ITPR1: variants seen among roughly 807,000 people sequenced by gnomAD.
ITPR1 encodes inositol 1,4,5-trisphosphate-gated calcium channel ITPR1.
In ITPR1, 96 loss-of-function variants were observed where a neutral mutation model predicts 318.4. That is an observed-to-expected ratio of 0.30 (90% CI 0.26 to 0.36). ITPR1 has a LOEUF of 0.36. Ranked by LOEUF, ITPR1 falls within the 10% of genes least tolerant of loss-of-function variation. The pLI, the probability that ITPR1 is intolerant of heterozygous loss-of-function variation, is 1.00. For synonymous variants in ITPR1, 1,312 were observed against 1,289.9 expected (o/e 1.02, Z -0.37); for missense variants, 2,440 against 3,460.2 (o/e 0.71, Z 7.40).
intron 47 of ITPR1, among the ~76,000 whole-genome samples, chr3:4,776,186 C>T (rs1456799170): frequency 5.9e-5 from 9 of 152,232 alleles, no homozygotes; most frequent in Non-Finnish European, 1.0e-4. Flanking sequence ...TCTTCTGCCT[C>T]AGCCTCCCTA....
chr3:4,550,511 A>T (rs1157095475), intron 4 of ITPR1, among the ~76,000 whole-genome samples: 3 of 152,140 alleles, frequency 2.0e-5, no homozygotes, highest in Non-Finnish European at 4.4e-5. Context: ...ATATCCCTAA[A>T]CTGTTACATG....
chr3:4,821,078 C>G (rs1451643922), intron 60 of ITPR1, among the ~76,000 whole-genome samples: 1 of 152,216 alleles, frequency 6.6e-6, no homozygotes, highest in Non-Finnish European at 1.5e-5. Context: ...CAGGTGATCT[C>G]TTGAATGAGC....
intron 20 of ITPR1, among the ~76,000 whole-genome samples, chr3:4,671,337 T>C (rs558926493): frequency 1.3e-5 from 2 of 152,348 alleles, no homozygotes; most frequent in East Asian, 3.9e-4. Context: ...TCACCAAATG[T>C]TTATAGACAG....
intron 4 of ITPR1, among the ~76,000 whole-genome samples, chr3:4,588,321 A>G (rs1415527364): frequency 6.7e-6 from 1 of 150,094 alleles, no homozygotes; most frequent in Non-Finnish European, 1.5e-5. Flanking sequence ...GAGTGTACTT[A>G]CGTATGTGCA....
rs766866092 is a variant in ITPR1, at chr3:4,706,140, C to T, written c.4658-27C>T. On this transcript the variant is annotated intron_variant, in intron 36 of 61. Transcript: ENST00000649015. ...GGGTGTCCCCCATAAAAGTTGTAGG[C>T]TCACGACTCATCTTTCTCCTGTGCA... 1.5e-5 allele frequency: 25 copies of T among 1,613,486 alleles called. No individual in the cohort carries two copies. In the South Asian group the frequency reaches 2.6e-4, roughly 17 times the overall value.
At position 4,775,331 on chromosome 3, in the gene ITPR1, T is replaced by A; in HGVS notation, c.6069T>A (p.Thr2023=). The change falls in exon 47 of 62, where the codon ACT becomes ACA. Residue 2023 remains threonine (T), a synonymous_variant. Coordinates refer to ENST00000649015, the MANE Select transcript of ITPR1 (RefSeq NM_001378452.1). The part of the protein sequence containing the change: ...QFLDCICGST[T]GGLGLLGLYI... ...TGGACTGTATTTGTGGAAGCACAAC[T>A]GGAGGCCTTGGTCTTCTGGGCTTGT... is the stretch of plus-strand genomic sequence containing the variant. The A allele has an allele frequency of 6.2e-7, 1 of 1,613,312 alleles. No homozygotes were observed. The highest frequency in any genetic ancestry group is 8.5e-7 in the Non-Finnish European group (1 of 1,179,206).
At chr3:4,650,361 G>C (rs2093565049) in intron 10 of ITPR1, among the ~76,000 whole-genome samples, 1 of 152,110 alleles carries the variant, frequency 6.6e-6, no homozygotes, top group African/African-American at 2.4e-5. Context: ...CAGCGTCCCA[G>C]TTCTCCATGT....
chr3:4,651,391 G>C (rs958705272), intron 10 of ITPR1, among the ~76,000 whole-genome samples: 4 of 152,124 alleles, frequency 2.6e-5, no homozygotes, highest in African/African-American at 9.7e-5. Flanking sequence ...AACTCCATGA[G>C]CTTCATGCCC....
At chr3:4,581,171 C>A (rs2089298093) in intron 4 of ITPR1, among the ~76,000 whole-genome samples, 1 of 152,216 alleles carries the variant, frequency 6.6e-6, no homozygotes, top group African/African-American at 2.4e-5. Context: ...CCCGACAGCC[C>A]AGCCACCTTG....
At chr3:4,548,254 A>G (rs890536138) in intron 4 of ITPR1, among the ~76,000 whole-genome samples, 26 of 152,132 alleles carry the variant, frequency 1.7e-4, no homozygotes, top group Non-Finnish European at 1.0e-4. Flanking sequence ...ATTCATCTTC[A>G]GTTTTTCACC....
intron 17 of ITPR1, among the ~76,000 whole-genome samples, chr3:4,665,794 C>T (rs2093933963): frequency 2.0e-5 from 3 of 152,066 alleles, no homozygotes; most frequent in African/African-American, 7.2e-5. Flanking sequence ...TATTTATATA[C>T]ACACACAATG....
At chr3:4,763,757 C>T (rs527461465) in intron 44 of ITPR1, among the ~76,000 whole-genome samples, 46 of 152,374 alleles carry the variant, frequency 3.0e-4, no homozygotes, top group Non-Finnish European at 5.1e-4. Flanking sequence ...CTGGCCCTGT[C>T]TCATCTCATA....
chr3:4,768,319 A>C (rs1201067971), intron 45 of ITPR1, 192 bp from the exon 46 acceptor site: 11 of 567,170 alleles, frequency 1.9e-5, no homozygotes, highest in Non-Finnish European at 3.3e-5. Context: ...TCCACAAGTA[A>C]GGTGGCAGGG....
intron 49 of ITPR1, among the ~76,000 whole-genome samples, chr3:4,780,719 G>A (rs13098920): frequency 0.02 from 2,995 of 152,224 alleles, 43 homozygotes; most frequent in Middle Eastern, 0.051. Context: ...TTCTCAGCCC[G>A]AGATGGAAGG....
intron 40 of ITPR1, among the ~76,000 whole-genome samples, chr3:4,720,148 A>T (rs1242566420): frequency 6.6e-6 from 1 of 152,242 alleles, no homozygotes; most frequent in Non-Finnish European, 1.5e-5. Context: ...AGTGCCTGTT[A>T]CGTCCAGGGG....
chr3:4,525,073 A>G (rs1479865977), intron 4 of ITPR1, among the ~76,000 whole-genome samples: 1 of 152,014 alleles, frequency 6.6e-6, no homozygotes, highest in African/African-American at 2.4e-5. Flanking sequence ...GAGAATAATT[A>G]TATATTGTTA....
intron 60 of ITPR1, 130 bp downstream of exon 60, chr3:4,818,372 G>A (rs1302965661): frequency 1.7e-5 from 11 of 661,934 alleles, no homozygotes; most frequent in African/African-American, 5.4e-5. Flanking sequence ...CCCTTCTCAC[G>A]GATGGGGCGC....
At chr3:4,728,236 C>T (rs1559784210) in intron 42 of ITPR1, among the ~76,000 whole-genome samples, 1 of 152,166 alleles carries the variant, frequency 6.6e-6, no homozygotes. Context: ...TTGTGTATAT[C>T]CATGAGCATG....
intron 35 of ITPR1, among the ~76,000 whole-genome samples, chr3:4,701,942 G>T (rs1280284494): frequency 6.6e-6 from 1 of 151,956 alleles, no homozygotes; most frequent in East Asian, 1.9e-4. Context: ...CCTCTTTCGG[G>T]GTTTTCAATA....
Sources: gnomAD v4.1 joint callset for allele counts (sites outside exome capture counted in the v4.1 genomes callset) on GRCh38, gnomAD v4.1.1 for gene constraint, MANE v1.5 for transcripts, NCBI Gene and HGNC (gene_info 2026-07-23, HGNC 2026-07-21) for gene names.